ABCC10: variants seen among roughly 807,000 people sequenced by gnomAD.
The protein encoded by ABCC10 is ATP-binding cassette sub-family C member 10.
In ABCC10, 110 loss-of-function variants were observed where a neutral mutation model predicts 143.2. That is an observed-to-expected ratio of 0.77 (90% CI 0.66 to 0.90). The LOEUF (loss-of-function observed/expected upper bound fraction) is 0.90. ABCC10 is among the 40% of genes least tolerant of loss of function. The pLI, the probability that ABCC10 is intolerant of heterozygous loss-of-function variation, is 0.00. For synonymous variants in ABCC10, 805 were observed against 846.7 expected, an observed-to-expected ratio of 0.95 and a Z score of 0.85; for missense variants, 1,700 against 1,900.5, an observed-to-expected ratio of 0.89 and a Z score of 1.96.
chr6:43,450,377 A>G lies in ABCC10; in HGVS notation c.*286A>G. The G allele has an allele frequency of 9.6e-7, 1 of 1,040,866 alleles. No individual in the cohort carries two copies. The highest frequency in any genetic ancestry group is 1.3e-6 in the Non-Finnish European group (1 of 750,484). The allele number at this position is 1,040,866 out of a possible 1,614,324, so 64.5% of individuals were successfully genotyped here. A position where few individuals can be genotyped will look rare whatever the true frequency, so the allele number is the denominator to read the frequency against. On this transcript the variant is annotated 3_prime_UTR_variant, in exon 22 of 22. Transcript: ENST00000372530. The surrounding 1 kb of genome is among the most constrained non-coding windows in gnomAD (Gnocchi z 4.5). Reference sequence around the variant, plus strand: ...TTGCATTTTCATAGTTTTATTTGATAAAATTCCATCTTACATTCTGTGTAT... The same window carrying G: ...TTGCATTTTCATAGTTTTATTTGATGAAATTCCATCTTACATTCTGTGTAT...
intron 4 of ABCC10, 62 bp from the exon 5 acceptor site, chr6:43,435,689 T>C (rs910583710): frequency 1.3e-6 from 2 of 1,574,870 alleles, no homozygotes; most frequent in Non-Finnish European, 1.7e-6. Flanking sequence ...TCCACAGGGC[T>C]TCCCATAGAA....
chr6:43,448,952 AGG>A lies in ABCC10; in HGVS notation c.4033_4034del (p.Gly1345ProfsTer3), dbSNP rs762360896. On this transcript the variant is annotated frameshift_variant, in exon 19 of 22. Coordinates refer to ENST00000372530, the MANE Select transcript of ABCC10 (RefSeq NM_001198934.2). LOFTEE classifies it high-confidence loss of function. ...ACTGTTCGGGAAAACCTGGACCCCC[AGG>A]GCCTACATAAGGACAGGGCCTTGTG... 30 of 1,614,082 alleles carry A rather than the reference AGG, an allele frequency of 1.9e-5. No homozygotes were observed. The highest frequency in any genetic ancestry group is 2.5e-5 in the Non-Finnish European group (29 of 1,180,020).
rs201341226 is a variant in ABCC10 at position 43,438,608 on chromosome 6, G to C, written c.1956-16G>C. ...AGGAGAGCTGGTCCTCATATTGCTC[G>C]CCTGGCTCTCTGCAGGCTGCGTGGG... On this transcript the variant is annotated splice_polypyrimidine_tract_variant and intron_variant, in intron 7 of 21. Coordinates refer to ENST00000372530, the MANE Select transcript of ABCC10 (RefSeq NM_001198934.2). 2 of 1,612,432 alleles carry C rather than the reference G, an allele frequency of 1.2e-6. No homozygotes were observed. The highest frequency in any genetic ancestry group is 2.2e-5 in the East Asian group (1 of 44,882).
chr6:43,436,267 T>G lies in ABCC10; in HGVS notation c.1875+20T>G, dbSNP rs1781706372. 1 of 1,611,114 alleles carries G rather than the reference T, an allele frequency of 6.2e-7. No individual in the cohort carries two copies. Among genetic ancestry groups the G allele is most frequent in the Non-Finnish European group, 8.5e-7 (1 of 1,178,604 alleles). ...AAAAAGGTTTGTTGGACAGACACCC[T>G]GGGAGAGTCCTCAGACTAACGAGAG... On this transcript the variant is annotated intron_variant, in intron 6 of 21. Transcript: ENST00000372530.
rs770058326 is a variant in ABCC10 at position 43,438,647 on chromosome 6, G to A, written c.1979G>A (p.Arg660Gln). 11 of 1,613,892 alleles carry A rather than the reference G, an allele frequency of 6.8e-6. No individual in the cohort carries two copies. In the East Asian group the frequency reaches 8.9e-5, roughly 13 times the overall value. Reference sequence around the variant, plus strand: ...AGGCTGCGTGGGCATGTGGCAGTGCGGGGGCTGTCCAAGGGCTTTGGCCTG... The same window carrying A: ...AGGCTGCGTGGGCATGTGGCAGTGCAGGGGCTGTCCAAGGGCTTTGGCCTG... ...LHRLRGHVAVRGLSKGFGLAT... is the reference protein window; with the variant it reads ...LHRLRGHVAVQGLSKGFGLAT... The change falls in exon 8 of 22, where the codon CGG (arginine) becomes CAG (glutamine). Residue 660 changes from arginine to glutamine, a missense_variant. Coordinates refer to ENST00000372530, the MANE Select transcript of ABCC10 (RefSeq NM_001198934.2).
chr6:43,432,468 C>G lies in ABCC10; in HGVS notation c.488C>G (p.Pro163Arg), dbSNP rs939101097. 6.2e-7 allele frequency: 1 copy of G among 1,611,868 alleles called. No individual in the cohort carries two copies. The change falls in exon 3 of 22, where the codon CCA (proline) becomes CGA (arginine). Residue 163 changes from proline to arginine, a missense_variant. Coordinates refer to ENST00000372530, the MANE Select transcript of ABCC10 (RefSeq NM_001198934.2). The stretch of plus-strand genomic sequence containing the variant: ...TGCCAGCGAGGCACACTTCTGCCCC[C>G]ACTTCTCCCAGGGCCCATGGCCCGC... Reference protein sequence around the residue: ...WHCQRGTLLPPLLPGPMARLC... With the variant: ...WHCQRGTLLPRLLPGPMARLC...
intron 7 of ABCC10, 35 bp from the exon 8 acceptor site, chr6:43,438,589 G>GCT (rs773125662): frequency 1.2e-6 from 2 of 1,608,584 alleles, no homozygotes; most frequent in South Asian, 2.2e-5. Context: ...CCAGAGGAGA[G>GCT]CTGGTCCTCA....
chr6:43,447,938 G>A lies in ABCC10; in HGVS notation c.3959+1G>A, dbSNP rs1301741848. On this transcript the variant is annotated splice_donor_variant, in intron 18 of 21. Coordinates refer to ENST00000372530, the MANE Select transcript of ABCC10 (RefSeq NM_001198934.2). LOFTEE classifies it high-confidence loss of function. ...GCCAGCTGGAGCTGGCCCAGCTCAG[G>A]TCTGGGGGAGATGGACTTGGGAGGG... 1.2e-6 allele frequency: 2 copies of A among 1,612,572 alleles called. No homozygotes were observed. The highest frequency in any genetic ancestry group is 2.2e-5 in the South Asian group (2 of 91,074).
At chr6:43,437,544 G>T (rs1781882455) in intron 6 of ABCC10, among the ~76,000 whole-genome samples, 1 of 151,604 alleles carries the variant, frequency 6.6e-6, no homozygotes, top group African/African-American at 2.4e-5. Flanking sequence ...CTAGCCACAG[G>T]TCGACTTAGC....
At chr6:43,435,265 G>A (rs1488095373) in intron 4 of ABCC10, 16 of 184,540 alleles carry the variant, frequency 8.7e-5, no homozygotes, top group Non-Finnish European at 2.3e-5. Context: ...AGGCGTGGTG[G>A]CTCACACCTG....
chr6:43,450,642 G>A (rs750082600), downstream of ABCC10: 29 of 1,613,524 alleles, frequency 1.8e-5, no homozygotes, highest in Non-Finnish European at 1.7e-6. This position sits in a 1 kb window ranked among gnomAD's most constrained non-coding sequence, Gnocchi z 4.5. Context: ...GCACGCTGGA[G>A]CATAGTGTGG....
In ABCC10 at chr6:43,449,033, G is replaced by T. The variant is rs770662647; in HGVS notation, c.4105+7G>T. The T allele has an allele frequency of 6.2e-7, 1 of 1,613,770 alleles. No homozygotes were observed. The highest frequency in any genetic ancestry group is 1.1e-5 in the South Asian group (1 of 91,060). On this transcript the variant is annotated splice_region_variant and intron_variant, in intron 19 of 21. Coordinates refer to ENST00000372530, the MANE Select transcript of ABCC10 (RefSeq NM_001198934.2). ...GAGGTGATTACATCCATGGGTGAGT[G>T]CTGGACCCTGACCTTAGAGCAAGAA...
intron 8 of ABCC10, among the ~76,000 whole-genome samples, chr6:43,439,270 C>T (rs922244143): frequency 6.6e-6 from 1 of 152,162 alleles, no homozygotes; most frequent in Non-Finnish European, 1.5e-5. Context: ...CCCTGCTGTC[C>T]CCTTCAGAAA....
At position 43,443,080 on chromosome 6, in the gene ABCC10, G is replaced by A; in HGVS notation, c.2337G>A (p.Leu779=). 6.2e-7 allele frequency: 1 copy of A among 1,612,528 alleles called. No individual in the cohort carries two copies. The highest frequency in any genetic ancestry group is 1.3e-5 in the African/African-American group (1 of 75,070). ...ILGMLSYTTR[L]LCTHRTEYLE... ...GCATGCTGAGCTACACCACACGGCT[G>A]CTCTGCACCCACCGCACTGAGTACC... Residue 779 remains leucine (L), a synonymous_variant, in exon 10 of 22, where the codon CTG becomes CTA. Transcript: ENST00000372530. This position sits in a 1 kb window ranked among gnomAD's most constrained non-coding sequence, Gnocchi z 4.2.
At chr6:43,437,642 T>C (rs1781891446) in intron 6 of ABCC10, among the ~76,000 whole-genome samples, 1 of 152,096 alleles carries the variant, frequency 6.6e-6, no homozygotes, top group Admixed American at 6.6e-5. Context: ...CCTTGGAAGT[T>C]CTTGGGTGGT....
intron 8 of ABCC10, among the ~76,000 whole-genome samples, chr6:43,439,286 C>T (rs537433755): frequency 2.6e-5 from 4 of 152,318 alleles, no homozygotes; most frequent in East Asian, 1.9e-4. Flanking sequence ...AGAAATGTCA[C>T]CACCACTACC....
chr6:43,450,228 T>C lies in ABCC10; in HGVS notation c.*137T>C. 4.5e-6 allele frequency: 5 copies of C among 1,119,982 alleles called. No homozygotes were observed. The highest frequency in any genetic ancestry group is 6.3e-6 in the Non-Finnish European group (5 of 798,372). 69.4% of individuals were successfully genotyped at this position (1,119,982 alleles called of 1,614,324 possible). The stretch of plus-strand genomic sequence containing the variant: ...TTCCCCAGAAGGGAAAAGGGCACCC[T>C]GGATTACTCTTTGGAAATCACTCCT... On this transcript the variant is annotated 3_prime_UTR_variant, in exon 22 of 22. Coordinates refer to ENST00000372530, the MANE Select transcript of ABCC10 (RefSeq NM_001198934.2). This position sits in a 1 kb window ranked among gnomAD's most constrained non-coding sequence, Gnocchi z 4.5.
chr6:43,428,095 C>A lies in ABCC10; in HGVS notation c.117C>A (p.His39Gln). ...AGCTGGTGCTCAGCGCCCTGCCCCA[C>A]GCGCTCCTCGCCGTGCTCAGTGCCT... ...FTQLVLSALP[H>Q]ALLAVLSACY... Residue 39 changes from histidine (H) to glutamine (Q), a missense_variant, in exon 2 of 22, where the codon CAC (histidine) becomes CAA (glutamine). By Grantham distance (24) the His-to-Gln change is conservative. Coordinates refer to ENST00000372530, the MANE Select transcript of ABCC10 (RefSeq NM_001198934.2). The A allele has an allele frequency of 1.3e-6, 2 of 1,555,842 alleles. No homozygotes were observed. The highest frequency in any genetic ancestry group is 1.7e-6 in the Non-Finnish European group (2 of 1,151,910).
rs1781262785 is a variant in ABCC10 at position 43,432,659 on chromosome 6, G to T, written c.679G>T (p.Ala227Ser). The part of the protein sequence containing the change: ...GESWLSRFSY[A>S]WLAPLLARGA... ...GAGTTGGCTGTCACGCTTTTCCTAT[G>T]CCTGGCTGGCACCCTTGCTGGCCCG... Residue 227 changes from alanine to serine, a missense_variant, in exon 3 of 22, where the codon GCC becomes TCC. Ala to Ser is a moderately conservative substitution (Grantham distance 99). Coordinates refer to ENST00000372530, the MANE Select transcript of ABCC10 (RefSeq NM_001198934.2). 7 of 1,613,788 alleles carry T rather than the reference G, an allele frequency of 4.3e-6. No individual in the cohort carries two copies. Among genetic ancestry groups the T allele is most frequent in the East Asian group, 4.5e-5 (2 of 44,880 alleles).
Sources: allele counts gnomAD v4.1 joint callset (sites outside exome capture counted in the v4.1 genomes callset), GRCh38; gene constraint gnomAD v4.1.1; non-coding constraint Gnocchi (gnomAD v3.1); transcripts MANE v1.5; gene names NCBI Gene and HGNC (gene_info 2026-07-23, HGNC 2026-07-21).